The following LCK variants were observed in gnomAD, a reference collection of about 807,000 sequenced individuals.
LCK encodes tyrosine-protein kinase Lck.
A neutral mutation model predicts 64.6 loss-of-function variants in LCK; 14 were observed. The ratio of observed to expected loss-of-function variants is 0.22; its 90% CI spans 0.14 to 0.34. LCK has a LOEUF of 0.34. Among genes scored for constraint, LCK ranks in the 10% least tolerant of loss-of-function variants. The pLI is 1.00. For missense variants in LCK, 434 were observed against 668.1 expected, an observed-to-expected ratio of 0.65 and a Z score of 3.86; for synonymous variants, 277 against 263.6, an observed-to-expected ratio of 1.05 and a Z score of -0.49.
At chr1:32,263,402 A>AAAATAAATAAAT (rs148681600) in intron 1 of LCK, among the ~76,000 whole-genome samples, 18 of 141,070 alleles carry the variant, frequency 1.3e-4, no homozygotes, top group East Asian at 2.0e-4. Context: ...CAAAATAAAT[A>AAAATAAATAAAT]AAATAAATAA....
rs758071462 is a variant in LCK, at chr1:32,275,718, G to A, written c.481+46G>A. ...ACCGGGCGCGGGGGTGCCCCGGGGT[G>A]TGCCCGAGGGGGGGCGCAGGGTGAG... is the stretch of plus-strand genomic sequence containing the variant. On this transcript the variant is annotated intron_variant, in intron 6 of 12. Coordinates refer to ENST00000336890, the MANE Select transcript of LCK (RefSeq NM_005356.5). This position sits in a 1 kb window ranked among gnomAD's most constrained non-coding sequence, Gnocchi z 6.9. The A allele has an allele frequency of 3.7e-5, 56 of 1,502,410 alleles. No individual in the cohort carries two copies. Among genetic ancestry groups the A allele is most frequent in the Non-Finnish European group, 4.9e-5 (55 of 1,111,550 alleles). 93.1% of individuals were successfully genotyped at this position (1,502,410 alleles called of 1,614,324 possible).
intron 1 of LCK, among the ~76,000 whole-genome samples, chr1:32,263,014 G>A (rs1448787003): frequency 6.6e-6 from 1 of 151,964 alleles, no homozygotes; most frequent in African/African-American, 2.4e-5. Context: ...TCATAGATTC[G>A]AGGCTGCCTC....
At chr1:32,264,101 G>T (rs1004420) in intron 1 of LCK, among the ~76,000 whole-genome samples, 40,054 of 151,866 alleles carry the variant, frequency 0.26, 6,458 homozygotes, top group African/African-American at 0.44. Context: ...ATAAGCACAG[G>T]GCTCACTGCA....
chr1:32,275,709 C>A lies in LCK; in HGVS notation c.481+37C>A. The A allele has an allele frequency of 1.3e-6, 2 of 1,523,106 alleles. No homozygotes were observed. Among genetic ancestry groups the A allele is most frequent in the Non-Finnish European group, 1.8e-6 (2 of 1,128,346 alleles). The allele number at this position is 1,523,106 out of a possible 1,614,324, so 94.3% of individuals were successfully genotyped here. ...GCGGTCTCGACCGGGCGCGGGGGTG[C>A]CCCGGGGTGTGCCCGAGGGGGGGCG... On this transcript the variant is annotated intron_variant, in intron 6 of 12. Transcript: ENST00000336890. This position sits in a 1 kb window ranked among gnomAD's most constrained non-coding sequence, Gnocchi z 6.9.
chr1:32,258,673 G>A (rs1223709930), intron 1 of LCK, among the ~76,000 whole-genome samples: 4 of 140,166 alleles, frequency 2.9e-5, no homozygotes, highest in African/African-American at 1.2e-4. Context: ...GCATGGTGGC[G>A]GGTGCCTGTA....
intron 1 of LCK, among the ~76,000 whole-genome samples, chr1:32,258,263 A>G (rs1403429829): frequency 6.6e-6 from 1 of 151,198 alleles, no homozygotes; most frequent in African/African-American, 2.4e-5. Context: ...AGCCTGGGCA[A>G]CAGAGTGAGA....
chr1:32,254,238 G>A (rs1569892996), intron 1 of LCK, among the ~76,000 whole-genome samples: 1 of 152,178 alleles, frequency 6.6e-6, no homozygotes, highest in Non-Finnish European at 1.5e-5. Context: ...AATAAACACG[G>A]CAGAGTGCAG....
intron 1 of LCK, among the ~76,000 whole-genome samples, chr1:32,253,850 GACAC>G (rs72025731): frequency 0.066 from 9,839 of 148,624 alleles, 386 homozygotes; most frequent in Middle Eastern, 0.11. Context: ...GCCACACACA[GACAC>G]ACACACACAC....
intron 1 of LCK, among the ~76,000 whole-genome samples, chr1:32,266,374 G>A (rs568263472): frequency 2.9e-4 from 43 of 150,522 alleles, no homozygotes; most frequent in African/African-American, 9.7e-4. Context: ...GGCGGGCGCC[G>A]GTAGTTCCAG....
intron 2 of LCK, 109 bp downstream of exon 2, chr1:32,274,543 C>A: frequency 1.0e-6 from 1 of 985,446 alleles, no homozygotes; most frequent in Non-Finnish European, 1.5e-6. Context: ...TGGCCCTCTC[C>A]CCTGAAATAC....
chr1:32,274,218 C>T (rs778938809), intron 1 of LCK, 107 bp from the exon 2 acceptor site: 23 of 1,574,946 alleles, frequency 1.5e-5, no homozygotes, highest in Middle Eastern at 1.7e-4. Flanking sequence ...CAGGATCTCA[C>T]AATCTCAGGT....
rs542285448 is a variant in LCK, at chr1:32,270,944, C to T, written c.-5-3381C>T. 1.3e-4 allele frequency among the ~76,000 whole-genome samples: 20 copies of T among 151,154 alleles called. No individual in the cohort carries two copies. In the South Asian group the frequency reaches 3.6e-3, roughly 27 times the overall value. ...GTCTCGATCCCTTAATCTTGTGACCCACCCGCCTTGGCCTCCCAAAGTGCT... is the reference window on the plus strand; with the variant it reads ...GTCTCGATCCCTTAATCTTGTGACCTACCCGCCTTGGCCTCCCAAAGTGCT... On this transcript the variant is annotated intron_variant, in intron 1 of 12. Transcript: ENST00000336890.
At chr1:32,257,211 A>G (rs1639651740) in intron 1 of LCK, among the ~76,000 whole-genome samples, 1 of 151,986 alleles carries the variant, frequency 6.6e-6, no homozygotes, top group Non-Finnish European at 1.5e-5. Context: ...TAAGCTGCCC[A>G]ACAACCTTCT....
At chr1:32,253,789 G>A (rs1436223112) in intron 1 of LCK, among the ~76,000 whole-genome samples, 1 of 152,062 alleles carries the variant, frequency 6.6e-6, no homozygotes, top group Non-Finnish European at 1.5e-5. Context: ...CAGGCAGGCT[G>A]GACTCTGAGC....
rs3738004 is a variant in LCK, at chr1:32,275,728, G to A, written c.481+56G>A. On this transcript the variant is annotated intron_variant, in intron 6 of 12. Transcript: ENST00000336890. The surrounding 1 kb of genome is among the most constrained non-coding windows in gnomAD (Gnocchi z 6.9). ...GGGGTGCCCCGGGGTGTGCCCGAGGGGGGGCGCAGGGTGAGCCCGAGGTGG... is the reference window on the plus strand; with the variant it reads ...GGGGTGCCCCGGGGTGTGCCCGAGGAGGGGCGCAGGGTGAGCCCGAGGTGG... The A allele has an allele frequency of 1.5e-4, 218 of 1,480,152 alleles. No homozygotes were observed. The highest frequency in any genetic ancestry group is 1.8e-4 in the Non-Finnish European group (194 of 1,093,862). The allele number at this position is 1,480,152 out of a possible 1,614,324, so 91.7% of individuals were successfully genotyped here.
At chr1:32,285,375 G>C (rs908843741) in intron 12 of LCK, 139 bp from the exon 13 acceptor site, 3 of 759,726 alleles carry the variant, frequency 3.9e-6, no homozygotes, top group Non-Finnish European at 7.0e-6. Flanking sequence ...AGTACCTCTA[G>C]TGTGACCTTA....
intron 1 of LCK, among the ~76,000 whole-genome samples, chr1:32,266,501 C>T (rs1266082507): frequency 3.2e-5 from 2 of 61,904 alleles, no homozygotes; most frequent in Non-Finnish European, 7.0e-5. Flanking sequence ...GACTCTGTCT[C>T]AAAAAAAAAA....
At chr1:32,261,156 T>C (rs1301132694) in intron 1 of LCK, among the ~76,000 whole-genome samples, 5 of 151,786 alleles carry the variant, frequency 3.3e-5, no homozygotes, top group Admixed American at 3.3e-4. Context: ...AGCCTTGACT[T>C]CCTGGGCTCA....
At chr1:32,274,216 C>A in intron 1 of LCK, 109 bp from the exon 2 acceptor site, 1 of 1,571,594 alleles carries the variant, frequency 6.4e-7, no homozygotes, top group East Asian at 2.3e-5. Flanking sequence ...CCCAGGATCT[C>A]ACAATCTCAG....
Sources: gnomAD v4.1 joint callset for allele counts (sites outside exome capture counted in the v4.1 genomes callset) on GRCh38, gnomAD v4.1.1 for gene constraint, Gnocchi (gnomAD v3.1) non-coding constraint, MANE v1.5 for transcripts, NCBI Gene and HGNC (gene_info 2026-07-23, HGNC 2026-07-21) for gene names.